Variants in TIGD1 observed in about 807,000 individuals in gnomAD.
The protein encoded by TIGD1 is tigger transposable element-derived protein 1.
Under a neutral mutation model 21.3 loss-of-function variants are expected in TIGD1, and 20 were observed. That is an observed-to-expected ratio of 0.94 (90% CI 0.66 to 1.36). The LOEUF is 1.36. Among genes scored for constraint, TIGD1 ranks in the 40% most tolerant of loss-of-function variants. The probability of loss-of-function intolerance (pLI) is 0.00; values close to 1 mark genes in which losing one functional copy is unlikely to be tolerated. For synonymous variants in TIGD1, 177 were observed against 123.2 expected (o/e 1.44, Z -2.89); for missense variants, 556 against 350.5 (o/e 1.59, Z -4.68).
Position 232,550,539 on chromosome 2 carries a change from G to A in TIGD1, c.-657C>T, listed in dbSNP as rs537204015. 5 of 702,968 alleles carry A rather than the reference G, an allele frequency of 7.1e-6. No individual in the cohort carries two copies. Among genetic ancestry groups the A allele is most frequent in the Admixed American group, 3.0e-5 (1 of 33,492 alleles). The allele number at this position is 702,968 out of a possible 1,614,324, so 43.5% of individuals were successfully genotyped here. ...ACTGAGGCCAGCAGCCAGCTCCGCC[G>A]CTGAGTCCAGCCCTCTGCGCAGCCG... On this transcript the variant is annotated 5_prime_UTR_variant, in exon 1 of 1. Coordinates refer to ENST00000408957, the MANE Select transcript of TIGD1 (RefSeq NM_145702.4).
At position 232,545,458 on chromosome 2, in the gene TIGD1, C is replaced by T. The variant is rs925101123; in HGVS notation, c.*2649G>A. 1 of 1,238,530 alleles carries T rather than the reference C, an allele frequency of 8.1e-7. No homozygotes were observed. The highest frequency in any genetic ancestry group is 1.1e-6 in the Non-Finnish European group (1 of 869,950). The allele number at this position is 1,238,530 out of a possible 1,614,324, so 76.7% of individuals were successfully genotyped here. A position where few individuals can be genotyped will look rare whatever the true frequency, so the allele number is the denominator to read the frequency against. ...GGCCCCAGGAAATGGAGACATGGGC[C>T]TGCTGGAAGCCCAAGGATGAGAACA... On this transcript the variant is annotated 3_prime_UTR_variant, in exon 1 of 1. Coordinates refer to ENST00000408957, the MANE Select transcript of TIGD1 (RefSeq NM_145702.4).
In TIGD1 at chr2:232,546,802, C is replaced by CT. The variant is rs1311290502; in HGVS notation, c.*1304dup. Reference sequence around the variant, plus strand: ...CCTGACTCTGACCCAATCTGACACTCTAAGATTCTACGGCCTGAAAAACAG... The same window carrying CT: ...CCTGACTCTGACCCAATCTGACACTCTTAAGATTCTACGGCCTGAAAAACAG... On this transcript the variant is annotated 3_prime_UTR_variant, in exon 1 of 1. Transcript: ENST00000408957. Among the ~76,000 whole-genome samples the CT allele has an allele frequency of 6.6e-6, 1 of 152,172 alleles. No individual in the cohort carries two copies. Among genetic ancestry groups the CT allele is most frequent in the Non-Finnish European group, 1.5e-5 (1 of 68,036 alleles).
In TIGD1 at chr2:232,548,857, G is replaced by A; in HGVS notation, c.1026C>T (p.Phe342=). The change falls in exon 1 of 1, where the codon TTC becomes TTT. Residue 342 remains phenylalanine, a synonymous_variant. Coordinates refer to ENST00000408957, the MANE Select transcript of TIGD1 (RefSeq NM_145702.4). ...QPMDQGVIST[F]KSYYLRNTFH... is the part of the protein sequence containing the mutation. The stretch of plus-strand genomic sequence containing the variant: ...ATGTATTTCTCAAATAATAAGACTT[G>A]AAGGTCGAAATTACCCCTTGATCCA... 1 of 621,606 alleles carries A rather than the reference G, an allele frequency of 1.6e-6. No homozygotes were observed. Among genetic ancestry groups the A allele is most frequent in the South Asian group, 1.7e-5 (1 of 59,518 alleles). 38.5% of individuals were successfully genotyped at this position (621,606 alleles called of 1,614,324 possible). A position where few individuals can be genotyped will look rare whatever the true frequency, so the allele number is the denominator to read the frequency against.
rs1441453423 is a variant in TIGD1, at chr2:232,547,919, A to G, written c.*188T>C. The G allele has an allele frequency of 2.3e-6, 1 of 439,318 alleles. No individual in the cohort carries two copies. Among genetic ancestry groups the G allele is most frequent in the Non-Finnish European group, 4.0e-6 (1 of 251,710 alleles). 27.2% of individuals were successfully genotyped at this position (439,318 alleles called of 1,614,324 possible). ...GGAGGTAGGTCGAGGCATACCTCAA[A>G]GACATTGCAGGTTCAGTTCCAGACC... On this transcript the variant is annotated 3_prime_UTR_variant, in exon 1 of 1. Transcript: ENST00000408957.
Position 232,546,933 on chromosome 2 carries a change from T to C in TIGD1, c.*1174A>G, listed in dbSNP as rs182638119. Among the ~76,000 whole-genome samples, 816 of 150,214 alleles carry C rather than the reference T, an allele frequency of 5.4e-3. 8 individuals carry two copies. The highest frequency in any genetic ancestry group is 0.019 in the African/African-American group (777 of 41,020). ...CTTCATTCCAGGAGGAGACTTTGAC[T>C]GGCCTCCCTTGACCCCACTAATCAG... On this transcript the variant is annotated 3_prime_UTR_variant, in exon 1 of 1. Transcript: ENST00000408957.
rs372355341 is a variant in TIGD1 at position 232,544,834 on chromosome 2, A to G, written c.*3273T>C. On this transcript the variant is annotated 3_prime_UTR_variant, in exon 1 of 1. Transcript: ENST00000408957. ...CAGCCTGAAGCAGGCTGCCCCAGCC[A>G]TCCAGGCCTGTGTGGAAGCCTGCAA... 1.2e-6 allele frequency: 2 copies of G among 1,613,792 alleles called. No individual in the cohort carries two copies. Among genetic ancestry groups the G allele is most frequent in the Non-Finnish European group, 1.7e-6 (2 of 1,179,928 alleles).
rs897899495 is a variant in TIGD1 at position 232,549,415 on chromosome 2, A to G, written c.468T>C (p.Ser156=). 1.6e-5 allele frequency: 10 copies of G among 643,914 alleles called. No individual in the cohort carries two copies. The Admixed American group carries it at 2.1e-4, about 13-fold the overall frequency. The allele number at this position is 643,914 out of a possible 1,614,324, so 39.9% of individuals were successfully genotyped here. The part of the protein sequence containing the change: ...HNIKAQGEAA[S]ADVEAAASYP... ...AACTTGCTGCAGCTTCTACATCAGC[A>G]CTTGCTGCTTCACCTTGTGCTTTTA... The change falls in exon 1 of 1, where the codon AGT becomes AGC. Residue 156 remains serine, a synonymous_variant. Transcript: ENST00000408957.
At position 232,545,932 on chromosome 2, in the gene TIGD1, C is replaced by T. The variant is rs1692125362; in HGVS notation, c.*2175G>A. ...GCCGTGGCTAGTGTCCTGCTGCAGTCAGCACACACGTGGGATTGGCTAGCT... is the reference window on the plus strand; with the variant it reads ...GCCGTGGCTAGTGTCCTGCTGCAGTTAGCACACACGTGGGATTGGCTAGCT... On this transcript the variant is annotated 3_prime_UTR_variant, in exon 1 of 1. Transcript: ENST00000408957. 5 of 647,594 alleles carry T rather than the reference C, an allele frequency of 7.7e-6. No individual in the cohort carries two copies. In the South Asian group the frequency reaches 8.7e-5, roughly 11 times the overall value. The allele number at this position is 647,594 out of a possible 1,614,324, so 40.1% of individuals were successfully genotyped here. A position where few individuals can be genotyped will look rare whatever the true frequency, so the allele number is the denominator to read the frequency against.
chr2:232,544,486 T>C lies in TIGD1; in HGVS notation c.*3621A>G, dbSNP rs370313191. The C allele has an allele frequency of 4.3e-6, 7 of 1,613,634 alleles. No homozygotes were observed. Among genetic ancestry groups the C allele is most frequent in the Non-Finnish European group, 5.9e-6 (7 of 1,179,990 alleles). On this transcript the variant is annotated 3_prime_UTR_variant, in exon 1 of 1. Coordinates refer to ENST00000408957, the MANE Select transcript of TIGD1 (RefSeq NM_145702.4). ...GCTCCTCGGGATGGTCGATCACAAC[T>C]GGGGAGGAGGTGGCCCTCTGCCTGC...
Position 232,548,041 on chromosome 2 carries a change from A to G in TIGD1, c.*66T>C. 1.8e-6 allele frequency: 1 copy of G among 562,322 alleles called. No individual in the cohort carries two copies. The highest frequency in any genetic ancestry group is 3.1e-6 in the Non-Finnish European group (1 of 321,288). The allele number at this position is 562,322 out of a possible 1,614,324, so 34.8% of individuals were successfully genotyped here. On this transcript the variant is annotated 3_prime_UTR_variant, in exon 1 of 1. Coordinates refer to ENST00000408957, the MANE Select transcript of TIGD1 (RefSeq NM_145702.4). ...TGTAGACCAGCAAGAGTGCAATAGC[A>G]TTGTCTAATAAAACAATATACATAC...
chr2:232,544,390 G>A lies in TIGD1; in HGVS notation c.*3717C>T, dbSNP rs200220463. Reference sequence around the variant, plus strand: ...AGGTGTTCCTGAGGCTCTTGCCCCAGCTGCTGAGGATGCACGTTCGCCCGC... The same window carrying A: ...AGGTGTTCCTGAGGCTCTTGCCCCAACTGCTGAGGATGCACGTTCGCCCGC... On this transcript the variant is annotated 3_prime_UTR_variant, in exon 1 of 1. Transcript: ENST00000408957. 9 of 1,613,420 alleles carry A rather than the reference G, an allele frequency of 5.6e-6. No homozygotes were observed. Among genetic ancestry groups the A allele is most frequent in the Middle Eastern group, 3.3e-4 (2 of 6,058 alleles).
At position 232,546,306 on chromosome 2, in the gene TIGD1, CTCTTTTTTT is replaced by C. The variant is rs1559306258; in HGVS notation, c.*1792_*1800del. 13 of 132,622 alleles carry C rather than the reference CTCTTTTTTT, an allele frequency of 9.8e-5. No individual in the cohort carries two copies. Among genetic ancestry groups the C allele is most frequent in the South Asian group, 2.4e-4 (1 of 4,152 alleles). The allele number at this position is 132,622 out of a possible 1,614,324, so 8.2% of individuals were successfully genotyped here. ...AGACGATTTCCTGAGTTTTGTAATC[CTCTTTTTTT>C]TTTTTTTTTTTTTAGTTTTTGATGT... On this transcript the variant is annotated 3_prime_UTR_variant, in exon 1 of 1. Coordinates refer to ENST00000408957, the MANE Select transcript of TIGD1 (RefSeq NM_145702.4).
rs748103720 is a variant in TIGD1, at chr2:232,549,929, G to T, written c.-47C>A. ...AATCTCAATATTGTTGTGTCTCAGG[G>T]AATAGGGAGGCCCAAGAAGAGGGAG... On this transcript the variant is annotated 5_prime_UTR_variant, in exon 1 of 1. Transcript: ENST00000408957. 13 of 1,075,830 alleles carry T rather than the reference G, an allele frequency of 1.2e-5. No individual in the cohort carries two copies. Among genetic ancestry groups the T allele is most frequent in the Non-Finnish European group, 1.7e-5 (13 of 756,544 alleles). 66.6% of individuals were successfully genotyped at this position (1,075,830 alleles called of 1,614,324 possible). A position where few individuals can be genotyped will look rare whatever the true frequency, so the allele number is the denominator to read the frequency against.
At position 232,548,256 on chromosome 2, in the gene TIGD1, G is replaced by T; in HGVS notation, c.1627C>A (p.Arg543=). 6.5e-7 allele frequency: 1 copy of T among 1,542,890 alleles called. No individual in the cohort carries two copies. Among genetic ancestry groups the T allele is most frequent in the South Asian group, 1.2e-5 (1 of 83,500 alleles). Residue 543 remains arginine, a synonymous_variant, in exon 1 of 1, where the codon CGA becomes AGA. Transcript: ENST00000408957. ...AAATAAGACATCGGTGAAGCTTTTC[G>T]CATGAGTTGACTCTTCCTTTCATGA... ...IFHERKSQLM[R]KASPMSYFRK... is the part of the protein sequence containing the mutation.
chr2:232,549,469 C>T lies in TIGD1; in HGVS notation c.414G>A (p.Arg138=). ...TATGGAAATGGCTTCTTTCCTTAAACCTCATGAACCAACCTCTGCTAGCTT... is the reference window on the plus strand; with the variant it reads ...TATGGAAATGGCTTCTTTCCTTAAATCTCATGAACCAACCTCTGCTAGCTT... ...KFEASRGWFM[R]FKERSHFHNI... The change falls in exon 1 of 1, where the codon AGG becomes AGA. Residue 138 remains arginine (R), a synonymous_variant. Coordinates refer to ENST00000408957, the MANE Select transcript of TIGD1 (RefSeq NM_145702.4). 1 of 673,602 alleles carries T rather than the reference C, an allele frequency of 1.5e-6. No homozygotes were observed. The highest frequency in any genetic ancestry group is 2.7e-6 in the Non-Finnish European group (1 of 375,530). 41.7% of individuals were successfully genotyped at this position (673,602 alleles called of 1,614,324 possible). A position where few individuals can be genotyped will look rare whatever the true frequency, so the allele number is the denominator to read the frequency against.
rs1362525118 is a variant in TIGD1 at position 232,549,557 on chromosome 2, G to C, written c.326C>G (p.Ala109Gly). 1.5e-6 allele frequency: 1 copy of C among 674,094 alleles called. No homozygotes were observed. Among genetic ancestry groups the C allele is most frequent in the East Asian group, 2.7e-5 (1 of 37,204 alleles). 41.8% of individuals were successfully genotyped at this position (674,094 alleles called of 1,614,324 possible). ...PLSQSLIQNKALTLFNSMKAE... is the reference protein window; with the variant it reads ...PLSQSLIQNKGLTLFNSMKAE... Reference sequence around the variant, plus strand: ...TTTCATAGAGTTGAAGAGAGTTAGGGCTTTGTTCTGGATTAGGCTTTGGCT... The same window carrying C: ...TTTCATAGAGTTGAAGAGAGTTAGGCCTTTGTTCTGGATTAGGCTTTGGCT... The change falls in exon 1 of 1, where the codon GCC becomes GGC. Residue 109 changes from alanine to glycine, a missense_variant. Transcript: ENST00000408957.
Position 232,543,987 on chromosome 2 carries a change from T to C in TIGD1, c.*4120A>G, listed in dbSNP as rs1345554884. Among the ~76,000 whole-genome samples, 1 of 152,174 alleles carries C rather than the reference T, an allele frequency of 6.6e-6. No homozygotes were observed. The highest frequency in any genetic ancestry group is 1.9e-4 in the East Asian group (1 of 5,188). ...AGGTTAAGTAACCTGCCCAAGGAAGTGCACTACAAAGTCGAAAAAGCAGGA... is the reference window on the plus strand; with the variant it reads ...AGGTTAAGTAACCTGCCCAAGGAAGCGCACTACAAAGTCGAAAAAGCAGGA... On this transcript the variant is annotated 3_prime_UTR_variant, in exon 1 of 1. Transcript: ENST00000408957.
In TIGD1 at chr2:232,545,918, T is replaced by C; in HGVS notation, c.*2189A>G. On this transcript the variant is annotated 3_prime_UTR_variant, in exon 1 of 1. Coordinates refer to ENST00000408957, the MANE Select transcript of TIGD1 (RefSeq NM_145702.4). ...GTGGTTGGGGGTGGGCCGTGGCTAG[T>C]GTCCTGCTGCAGTCAGCACACACGT... The C allele has an allele frequency of 1.5e-6, 1 of 669,288 alleles. No homozygotes were observed. The highest frequency in any genetic ancestry group is 1.7e-5 in the South Asian group (1 of 58,480). The allele number at this position is 669,288 out of a possible 1,614,324, so 41.5% of individuals were successfully genotyped here.
In TIGD1 at chr2:232,547,434, T is replaced by C. The variant is rs1387561929; in HGVS notation, c.*673A>G. On this transcript the variant is annotated 3_prime_UTR_variant, in exon 1 of 1. Coordinates refer to ENST00000408957, the MANE Select transcript of TIGD1 (RefSeq NM_145702.4). ...CCTGTCTCAAAAAAAATAAAAAAAT[T>C]ACAAAACTGAAAAAAGAAAAGTGAA... 1.3e-5 allele frequency among the ~76,000 whole-genome samples: 2 copies of C among 151,914 alleles called. No individual in the cohort carries two copies. Among genetic ancestry groups the C allele is most frequent in the Non-Finnish European group, 2.9e-5 (2 of 67,990 alleles).
Sources: gnomAD v4.1 joint callset for allele counts (sites outside exome capture counted in the v4.1 genomes callset) on GRCh38, gnomAD v4.1.1 for gene constraint, MANE v1.5 for transcripts, NCBI Gene and HGNC (gene_info 2026-07-23, HGNC 2026-07-21) for gene names.